The following ZPBP variants were observed in gnomAD, a reference collection of about 807,000 sequenced individuals.
The protein encoded by ZPBP is zona pellucida-binding protein 1.
In ZPBP, 26 loss-of-function variants were observed where a neutral mutation model predicts 44.8. The ratio of observed to expected loss-of-function variants is 0.58; its 90% CI spans 0.43 to 0.81. ZPBP has a LOEUF of 0.81. Ranked by LOEUF, ZPBP falls within the 30% of genes least tolerant of loss-of-function variation. The probability of loss-of-function intolerance (pLI) is 0.00; values close to 1 mark genes in which losing one functional copy is unlikely to be tolerated. For synonymous variants in ZPBP, 174 were observed against 153.2 expected (o/e 1.14, Z -1.00); for missense variants, 409 against 434.0 (o/e 0.94, Z 0.51).
intron 3 of ZPBP, among the ~76,000 whole-genome samples, chr7:50,077,547 G>A (rs1449982487): frequency 6.6e-6 from 1 of 151,196 alleles, no homozygotes; most frequent in Non-Finnish European, 1.5e-5. Context: ...ACAACTATAG[G>A]AAAAAAAACT....
At chr7:50,062,294 T>C (rs549317806) in intron 3 of ZPBP, among the ~76,000 whole-genome samples, 2 of 152,254 alleles carry the variant, frequency 1.3e-5, no homozygotes, top group Middle Eastern at 3.4e-3. Context: ...AAATTACCAG[T>C]GAAATTTTTC....
At chr7:50,080,992 T>C (rs1244824612) in intron 3 of ZPBP, among the ~76,000 whole-genome samples, 1 of 151,720 alleles carries the variant, frequency 6.6e-6, no homozygotes, top group Non-Finnish European at 1.5e-5. Context: ...TTCTTTAAAA[T>C]TACCTATTTT....
intron 7 of ZPBP, among the ~76,000 whole-genome samples, chr7:49,982,244 T>C (rs1342072789): frequency 9.4e-6 from 1 of 105,858 alleles, no homozygotes; most frequent in Non-Finnish European, 1.8e-5. Context: ...AATATAATTA[T>C]ATTATATATT....
In ZPBP at chr7:50,076,380, C is replaced by T. The variant is rs1238677492; in HGVS notation, c.334+5394G>A. ...GAACACAACAAGGATACCCACTCAC[C>T]GCTGTTACTCAACATAGTGCTGGAA... On this transcript the variant is annotated intron_variant, in intron 3 of 7. Coordinates refer to ENST00000046087, the MANE Select transcript of ZPBP (RefSeq NM_007009.3). 9.2e-5 allele frequency among the ~76,000 whole-genome samples: 14 copies of T among 151,918 alleles called. No homozygotes were observed. In the East Asian group the frequency reaches 1.7e-3, roughly 19 times the overall value.
intron 6 of ZPBP, among the ~76,000 whole-genome samples, chr7:49,987,298 A>C (rs1413641786): frequency 6.6e-6 from 1 of 152,076 alleles, no homozygotes; most frequent in Non-Finnish European, 1.5e-5. Context: ...AAAGGCCTTT[A>C]TGTTTTTCTC....
chr7:50,000,061 G>C (rs1798027425), intron 6 of ZPBP, among the ~76,000 whole-genome samples: 1 of 152,080 alleles, frequency 6.6e-6, no homozygotes, highest in South Asian at 2.1e-4. Flanking sequence ...TATTTTTAAA[G>C]TGGTAAAATA....
At chr7:49,991,357 T>A (rs1020555693) in intron 6 of ZPBP, among the ~76,000 whole-genome samples, 5 of 152,156 alleles carry the variant, frequency 3.3e-5, no homozygotes, top group African/African-American at 9.6e-5. Flanking sequence ...GATCTCATAT[T>A]ACTGAATTAG....
intron 3 of ZPBP, among the ~76,000 whole-genome samples, chr7:50,069,062 G>C (rs796607401): frequency 6.6e-6 from 1 of 152,174 alleles, no homozygotes; most frequent in Non-Finnish European, 1.5e-5. Flanking sequence ...CTTGGGCACG[G>C]CCAGATCTGA....
chr7:50,077,433 G>A (rs769391279), intron 3 of ZPBP, among the ~76,000 whole-genome samples: 7 of 151,650 alleles, frequency 4.6e-5, no homozygotes, highest in Non-Finnish European at 1.0e-4. Context: ...CATAGCAAAG[G>A]ATACAATCAA....
intron 7 of ZPBP, among the ~76,000 whole-genome samples, chr7:49,971,131 A>G (rs1389849809): frequency 6.6e-6 from 1 of 152,150 alleles, no homozygotes; most frequent in Non-Finnish European, 1.5e-5. Context: ...GACTTATGCC[A>G]TCCAGCAAAA....
intron 6 of ZPBP, among the ~76,000 whole-genome samples, chr7:50,008,025 T>C (rs1444255477): frequency 6.6e-6 from 1 of 151,862 alleles, no homozygotes; most frequent in Non-Finnish European, 1.5e-5. Context: ...GGAACAGCAA[T>C]TAGGCAAGAA....
chr7:49,845,312 A>G, the ZPBP span, among the ~76,000 whole-genome samples: 1 of 152,170 alleles, frequency 6.6e-6, no homozygotes, highest in African/African-American at 2.4e-5. Flanking sequence ...AAGGTGATAG[A>G]TGATTTAAAT....
At chr7:49,881,797 T>C (rs1331546428) in intron 2 of ZPBP, among the ~76,000 whole-genome samples, 2 of 152,086 alleles carry the variant, frequency 1.3e-5, no homozygotes, top group Non-Finnish European at 1.5e-5. Flanking sequence ...ACTTTGTATA[T>C]AATAATAATT....
chr7:50,066,077 T>C (rs536983555), intron 3 of ZPBP, among the ~76,000 whole-genome samples: 1 of 151,094 alleles, frequency 6.6e-6, no homozygotes, highest in South Asian at 2.1e-4. Flanking sequence ...ATCCAATTTG[T>C]GGTTTTCTGT....
intron 3 of ZPBP, among the ~76,000 whole-genome samples, chr7:50,078,919 AAAG>A (rs66466146): frequency 0.78 from 117,140 of 150,802 alleles, 45,598 homozygotes; most frequent in East Asian, 0.88. Flanking sequence ...ACACTTCTCA[AAAG>A]AAGTGAAACA....
At chr7:49,898,184 ATG>A (rs1481570102) in intron 2 of ZPBP, among the ~76,000 whole-genome samples, 2 of 151,942 alleles carry the variant, frequency 1.3e-5, no homozygotes, top group African/African-American at 4.8e-5. Context: ...GTGTGTATAT[ATG>A]TGTGTGTATA....
At chr7:50,023,885 T>C (rs1431211766) in intron 5 of ZPBP, among the ~76,000 whole-genome samples, 1 of 151,734 alleles carries the variant, frequency 6.6e-6, no homozygotes, top group Non-Finnish European at 1.5e-5. Context: ...AGCCCATCAG[T>C]GGGGCTGGGG....
intron 2 of ZPBP, 110 bp downstream of exon 2, chr7:50,089,519 G>T: frequency 1.2e-6 from 1 of 812,882 alleles, no homozygotes; most frequent in Non-Finnish European, 2.0e-6. Context: ...AAAGAAAAGG[G>T]CCTTAGGAGA....
intron 2 of ZPBP, among the ~76,000 whole-genome samples, chr7:50,086,091 A>G (rs1248607125): frequency 6.6e-6 from 1 of 152,104 alleles, no homozygotes; most frequent in Middle Eastern, 3.2e-3. Context: ...ACTCTGTCCA[A>G]TCATTAGCCT....
Sources: gnomAD v4.1 joint callset for allele counts (sites outside exome capture counted in the v4.1 genomes callset) on GRCh38, gnomAD v4.1.1 for gene constraint, MANE v1.5 for transcripts, NCBI Gene and HGNC (gene_info 2026-07-23, HGNC 2026-07-21) for gene names.